DNMT3A: variants seen among roughly 807,000 people sequenced by gnomAD.
The protein encoded by DNMT3A is DNA methyltransferase 3 alpha.
In DNMT3A, 267 loss-of-function variants were observed where a neutral mutation model predicts 117.6. The ratio of observed to expected loss-of-function variants is 2.27; its 90% CI spans 2.05 to 2.51. The LOEUF (loss-of-function observed/expected upper bound fraction) is 2.51, where lower values mean the gene tolerates loss of function less well. Ranked by LOEUF, DNMT3A falls within the 30% of genes most tolerant of loss-of-function variation. The probability of loss-of-function intolerance (pLI) is 0.00; values close to 1 mark genes in which losing one functional copy is unlikely to be tolerated. For synonymous variants in DNMT3A, 432 were observed against 474.8 expected (o/e 0.91, Z 1.17); for missense variants, 1,029 against 1,260.2 (o/e 0.82, Z 2.78).
intron 1 of DNMT3A, among the ~76,000 whole-genome samples, chr2:25,330,234 G>A (rs1057210278): frequency 3.9e-5 from 6 of 152,170 alleles, no homozygotes; most frequent in African/African-American, 9.7e-5. Flanking sequence ...TGATTACAAC[G>A]CCACACCCTG....
chr2:25,246,522 G>A (rs1674793412), intron 10 of DNMT3A, 98 bp downstream of exon 10: 1 of 1,517,704 alleles, frequency 6.6e-7, no homozygotes, highest in Non-Finnish European at 8.8e-7. Context: ...GCCCCTCTGT[G>A]GAGGCCTTGG....
rs1672751746 is a variant in DNMT3A, at chr2:25,228,261, T to G, written c.*6018A>C. 6 of 33,872 alleles carry G rather than the reference T, an allele frequency of 1.8e-4. No individual in the cohort carries two copies. The highest frequency in any genetic ancestry group is 3.6e-4 in the Admixed American group (1 of 2,800). 2.1% of individuals were successfully genotyped at this position (33,872 alleles called of 1,614,324 possible). A position where few individuals can be genotyped will look rare whatever the true frequency, so the allele number is the denominator to read the frequency against. ...AAAAAAAAAAAAAAAAATACAGTGGTGAAAGGATGCTGGAACCAGGAAAAA... is the reference window on the plus strand; with the variant it reads ...AAAAAAAAAAAAAAAAATACAGTGGGGAAAGGATGCTGGAACCAGGAAAAA... On this transcript the variant is annotated 3_prime_UTR_variant, in exon 23 of 23. Transcript: ENST00000321117.
chr2:25,341,568 C>T (rs1166018166), intron 1 of DNMT3A, among the ~76,000 whole-genome samples: 2 of 144,430 alleles, frequency 1.4e-5, no homozygotes, highest in African/African-American at 5.0e-5. Context: ...GCGCCGGGAG[C>T]GGGCGGGACG....
In DNMT3A at chr2:25,296,038, G is replaced by A. The variant is rs187924171; in HGVS notation, c.177+4101C>T. Among the ~76,000 whole-genome samples, 74 of 152,316 alleles carry A rather than the reference G, an allele frequency of 4.9e-4. 1 individual carries two copies. Among genetic ancestry groups the A allele is most frequent in the African/African-American group, 1.6e-3 (68 of 41,550 alleles). ...GTTGTAAAATATAAAATCACAGCAC[G>A]TGGATGTGGCAACATTGTCACACAC... On this transcript the variant is annotated intron_variant, in intron 3 of 22. Transcript: ENST00000321117. This position sits in a 1 kb window ranked among gnomAD's most constrained non-coding sequence, Gnocchi z 4.2.
rs1003369047 is a variant in DNMT3A at position 25,305,035 on chromosome 2, A to T, written c.73-4792T>A. Among the ~76,000 whole-genome samples the T allele has an allele frequency of 2.0e-5, 3 of 152,194 alleles. No homozygotes were observed. Among genetic ancestry groups the T allele is most frequent in the Non-Finnish European group, 2.9e-5 (2 of 68,044 alleles). On this transcript the variant is annotated intron_variant, in intron 2 of 22. Coordinates refer to ENST00000321117, the MANE Select transcript of DNMT3A (RefSeq NM_022552.5). The surrounding 1 kb of genome is among the most constrained non-coding windows in gnomAD (Gnocchi z 4.1). ...GCTGGCATCCAGAATGCCTAGACGG[A>T]TGCATTTAGTCCAAGGCAGGCACTT...
intron 12 of DNMT3A, among the ~76,000 whole-genome samples, chr2:25,245,807 G>T (rs1471524311): frequency 1.3e-5 from 2 of 152,218 alleles, no homozygotes; most frequent in African/African-American, 4.8e-5. Context: ...GTGGCCACTG[G>T]GGAGTCCCAC....
intron 6 of DNMT3A, among the ~76,000 whole-genome samples, chr2:25,272,375 C>A (rs181009015): frequency 1.3e-5 from 2 of 152,268 alleles, no homozygotes; most frequent in Admixed American, 1.3e-4. Context: ...AGGAAAGAAC[C>A]CTTTTTTTCA....
chr2:25,240,173 C>T, intron 19 of DNMT3A, 129 bp downstream of exon 19: 1 of 1,382,044 alleles, frequency 7.2e-7, no homozygotes, highest in Admixed American at 2.1e-5. Context: ...CCTGGGGCTT[C>T]CCAAACAGGC....
At position 25,244,138 on chromosome 2, in the gene DNMT3A, C is replaced by T. The variant is rs1324776417; in HGVS notation, c.1851+17G>A. 6.2e-7 allele frequency: 1 copy of T among 1,613,966 alleles called. No individual in the cohort carries two copies. Among genetic ancestry groups the T allele is most frequent in the Admixed American group, 1.7e-5 (1 of 60,028 alleles). On this transcript the variant is annotated intron_variant, in intron 15 of 22. Coordinates refer to ENST00000321117, the MANE Select transcript of DNMT3A (RefSeq NM_022552.5). ...AGCCAAGGGAGCTCGAGACCGCGCC[C>T]CAGGCCCAGCACTCACAAATTCCTG...
chr2:25,244,076 C>T lies in DNMT3A; in HGVS notation c.1851+79G>A, dbSNP rs1268771730. On this transcript the variant is annotated intron_variant, in intron 15 of 22. Coordinates refer to ENST00000321117, the MANE Select transcript of DNMT3A (RefSeq NM_022552.5). ...CTCCAGCCAGGCTCCTAGACCCACA[C>T]ACCCTGCGCACAGCTCAGGCCCCAC... 6 of 1,597,354 alleles carry T rather than the reference C, an allele frequency of 3.8e-6. No individual in the cohort carries two copies. The East Asian group carries it at 1.1e-4, about 30-fold the overall frequency.
At chr2:25,260,035 T>C (rs916931308) in intron 6 of DNMT3A, among the ~76,000 whole-genome samples, 2 of 152,208 alleles carry the variant, frequency 1.3e-5, no homozygotes, top group East Asian at 3.8e-4. Flanking sequence ...ACAATCAGAC[T>C]GGCAACCCAA....
intron 6 of DNMT3A, chr2:25,249,668 C>T (rs139790831): frequency 3.1e-6 from 5 of 1,614,242 alleles, no homozygotes; most frequent in African/African-American, 1.3e-5. Context: ...GTATCACACT[C>T]GTCTTTCAGG....
rs190499349 is a variant in DNMT3A at position 25,277,456 on chromosome 2, C to T, written c.449-1913G>A. On this transcript the variant is annotated intron_variant, in intron 4 of 22. Transcript: ENST00000321117. ...CCTGGGGGCGGCCTGGCGGTCCCGG[C>T]GGACCCTGACGCGGCGGGGCTCCGG... 3.6e-3 allele frequency among the ~76,000 whole-genome samples: 545 copies of T among 152,182 alleles called. 1 individual carries two copies. Among genetic ancestry groups the T allele is most frequent in the African/African-American group, 0.012 (513 of 41,536 alleles).
chr2:25,323,322 T>C (rs1429533584), intron 1 of DNMT3A, among the ~76,000 whole-genome samples: 1 of 152,192 alleles, frequency 6.6e-6, no homozygotes, highest in Non-Finnish European at 1.5e-5. Flanking sequence ...TTGCTGTTCC[T>C]GGAGGCAGGG....
At chr2:25,335,926 G>T (rs1227552859) in intron 1 of DNMT3A, among the ~76,000 whole-genome samples, 1 of 151,620 alleles carries the variant, frequency 6.6e-6, no homozygotes, top group Non-Finnish European at 1.5e-5. Context: ...ACCACAGTAG[G>T]ACAGGAGTAG....
chr2:25,313,517 C>T (rs1454530979), intron 2 of DNMT3A, among the ~76,000 whole-genome samples: 1 of 152,184 alleles, frequency 6.6e-6, no homozygotes, highest in African/African-American at 2.4e-5. Context: ...AGCTACTGAA[C>T]ACCTTAAGGA....
At chr2:25,260,476 T>C (rs889972300) in intron 6 of DNMT3A, among the ~76,000 whole-genome samples, 1 of 152,186 alleles carries the variant, frequency 6.6e-6, no homozygotes, top group African/African-American at 2.4e-5. Flanking sequence ...ATTTTTGTTT[T>C]TTTTTGCCCC....
intron 6 of DNMT3A, among the ~76,000 whole-genome samples, chr2:25,253,283 C>T (rs1328701127): frequency 6.6e-6 from 1 of 152,158 alleles, no homozygotes; most frequent in Non-Finnish European, 1.5e-5. Context: ...AGAAATAGAC[C>T]CTGTTGGCTC....
chr2:25,334,139 G>T (rs1419004372), intron 1 of DNMT3A, among the ~76,000 whole-genome samples: 1 of 152,196 alleles, frequency 6.6e-6, no homozygotes, highest in Non-Finnish European at 1.5e-5. Flanking sequence ...CAGCCTCGGG[G>T]GAAGGGAAGC....
Sources: allele counts gnomAD v4.1 joint callset (sites outside exome capture counted in the v4.1 genomes callset), GRCh38; gene constraint gnomAD v4.1.1; non-coding constraint Gnocchi (gnomAD v3.1); transcripts MANE v1.5; gene names NCBI Gene and HGNC (gene_info 2026-07-23, HGNC 2026-07-21).